Variants in NOTCH2 observed in about 807,000 individuals in gnomAD.
NOTCH2 encodes the protein neurogenic locus notch homolog protein 2.
In NOTCH2, 29 loss-of-function variants were observed where a neutral mutation model predicts 235.8. The ratio of observed to expected loss-of-function variants is 0.12; its 90% CI spans 0.09 to 0.17. NOTCH2 has a LOEUF of 0.17. Ranked by LOEUF, NOTCH2 falls within the 10% of genes least tolerant of loss-of-function variation. The probability of loss-of-function intolerance (pLI) is 1.00; values close to 1 mark genes in which losing one functional copy is unlikely to be tolerated. For missense variants in NOTCH2, 2,285 were observed against 3,150.2 expected (o/e 0.73, Z 6.57); for synonymous variants, 1,086 against 1,141.5 (o/e 0.95, Z 0.98).
intron 6 of NOTCH2, 112 bp downstream of exon 6, chr1:119,969,399 G>C: frequency 1.1e-6 from 1 of 901,168 alleles, no homozygotes. Flanking sequence ...TGAGTGATAT[G>C]TTCCCATAGA....
intron 2 of NOTCH2, among the ~76,000 whole-genome samples, chr1:120,026,487 T>C (rs1553209952): frequency 1.4e-5 from 2 of 145,584 alleles, no homozygotes; most frequent in African/African-American, 5.0e-5. Context: ...TTTGTGAAAA[T>C]AATATTTACT....
In NOTCH2 at chr1:119,940,547, T is replaced by A. The variant is rs1321996520; in HGVS notation, c.3183+8A>T. On this transcript the variant is annotated splice_region_variant and intron_variant, in intron 19 of 33. Coordinates refer to ENST00000256646, the MANE Select transcript of NOTCH2 (RefSeq NM_024408.4). ...GGGAGCTGAGTGAATGGGAAGGAAGTCAATTACCTGACAGTTTTTCCCAGT... is the reference window on the plus strand; with the variant it reads ...GGGAGCTGAGTGAATGGGAAGGAAGACAATTACCTGACAGTTTTTCCCAGT... 1.9e-6 allele frequency: 3 copies of A among 1,612,462 alleles called. No homozygotes were observed. The highest frequency in any genetic ancestry group is 2.5e-6 in the Non-Finnish European group (3 of 1,179,372).
intron 2 of NOTCH2, among the ~76,000 whole-genome samples, chr1:120,010,698 G>C (rs1653155257): frequency 1.3e-5 from 2 of 152,176 alleles, no homozygotes; most frequent in South Asian, 4.1e-4. Flanking sequence ...TTCAACAAAA[G>C]AACAGTCTTC....
chr1:120,011,729 C>T (rs1653198308), intron 2 of NOTCH2, among the ~76,000 whole-genome samples: 2 of 152,048 alleles, frequency 1.3e-5, no homozygotes, highest in Non-Finnish European at 2.9e-5. Flanking sequence ...TAAGATTTTA[C>T]AGCTAGGCCG....
Position 119,916,318 on chromosome 1 carries a change from A to C in NOTCH2, c.6404T>G (p.Leu2135Arg). 6.2e-7 allele frequency: 1 copy of C among 1,614,226 alleles called. No individual in the cohort carries two copies. Among genetic ancestry groups the C allele is most frequent in the Non-Finnish European group, 8.5e-7 (1 of 1,180,028 alleles). ...CTCAGACAGTTGGACCTTCTCACTC[A>C]GAGACTTCTTCCTCCTACTACCCTT... ...DAKGSRRKKS[L>R]SEKVQLSESS... The change falls in exon 34 of 34, where the codon CTG becomes CGG. Residue 2135 changes from leucine to arginine, a missense_variant. Coordinates refer to ENST00000256646, the MANE Select transcript of NOTCH2 (RefSeq NM_024408.4).
At chr1:119,994,524 A>G (rs1553203755) in intron 4 of NOTCH2, 1 of 46,584 alleles carries the variant, frequency 2.1e-5, no homozygotes, top group Non-Finnish European at 4.2e-5. Flanking sequence ...AATGCCATAT[A>G]TATATACACA....
intron 23 of NOTCH2, among the ~76,000 whole-genome samples, chr1:119,927,692 G>A (rs1005726379): frequency 2.6e-5 from 4 of 152,180 alleles, no homozygotes; most frequent in African/African-American, 9.7e-5. Flanking sequence ...AAAGAAACAG[G>A]AGCCAGTTTT....
chr1:119,976,655 C>T (rs960226414), intron 5 of NOTCH2, among the ~76,000 whole-genome samples: 1 of 152,122 alleles, frequency 6.6e-6, no homozygotes, highest in Non-Finnish European at 1.5e-5. Context: ...GCGCCACTCG[C>T]TTGTTCAAAT....
rs782296997 is a variant in NOTCH2 at position 119,997,301 on chromosome 1, C to G, written c.447G>C (p.Leu149=). Residue 149 remains leucine (L), a synonymous_variant, in exon 4 of 34, where the codon CTG becomes CTC. Transcript: ENST00000256646. ...TACTTCCATTTGCACAGGGATGAGA[C>G]AGGCAGGCATCCGTCCATTGGCACT... ...GKECQWTDAC[L]SHPCANGSTC... 7.4e-6 allele frequency: 12 copies of G among 1,614,022 alleles called. No individual in the cohort carries two copies. Among genetic ancestry groups the G allele is most frequent in the Non-Finnish European group, 1.0e-5 (12 of 1,179,876 alleles).
intron 23 of NOTCH2, among the ~76,000 whole-genome samples, chr1:119,928,741 A>T (rs1309416194): frequency 6.6e-6 from 1 of 152,258 alleles, no homozygotes; most frequent in African/African-American, 2.4e-5. Flanking sequence ...CTGCCATAGC[A>T]TGATATAATC....
Position 119,997,132 on chromosome 1 carries a change from G to C in NOTCH2, c.616C>G (p.Gln206Glu). Residue 206 changes from glutamine (Q) to glutamate (E), a missense_variant, in exon 4 of 34, where the codon CAG (glutamine) becomes GAG (glutamate). By Grantham distance (29) the Gln-to-Glu change is conservative. This residue lies in a region of NOTCH2 where 431 missense variants were observed against 757.8 expected (regional missense o/e 0.57). Coordinates refer to ENST00000256646, the MANE Select transcript of NOTCH2 (RefSeq NM_024408.4). The part of the protein sequence containing the change: ...GTCLNLPGSY[Q>E]CQCPQGFTGQ... The stretch of plus-strand genomic sequence containing the variant: ...GTGAAGCCCTGAGGGCACTGGCACT[G>C]GTAGGAACCAGGCAGGTTGAGGCAG... 1 of 1,614,026 alleles carries C rather than the reference G, an allele frequency of 6.2e-7. No homozygotes were observed. The highest frequency in any genetic ancestry group is 8.5e-7 in the Non-Finnish European group (1 of 1,179,874).
At position 119,981,158 on chromosome 1, in the gene NOTCH2, C is replaced by A. The variant is rs587773209; in HGVS notation, c.874+5802G>T. On this transcript the variant is annotated intron_variant, in intron 5 of 33. Transcript: ENST00000256646. ...CATCTCCAACTTACCATCATTTCTA[C>A]CCTATTTCTCCTTCTCTGTCAACAG... Among the ~76,000 whole-genome samples the A allele has an allele frequency of 2.7e-5, 4 of 146,758 alleles. No individual in the cohort carries two copies. The East Asian group carries it at 5.8e-4, about 21-fold the overall frequency.
chr1:119,958,137 C>T (rs587755264), intron 12 of NOTCH2, among the ~76,000 whole-genome samples: 2 of 152,290 alleles, frequency 1.3e-5, no homozygotes, highest in Admixed American at 6.5e-5. Context: ...TACCTATTAT[C>T]CTATCTAGCA....
At chr1:119,941,899 T>C in intron 17 of NOTCH2, 145 bp from the exon 18 acceptor site, 1 of 679,508 alleles carries the variant, frequency 1.5e-6, no homozygotes, top group Non-Finnish European at 2.7e-6. Flanking sequence ...CCCTCATTTA[T>C]GAAAATGAAT....
intron 32 of NOTCH2, among the ~76,000 whole-genome samples, chr1:119,917,997 T>C (rs587727034): frequency 7.2e-5 from 11 of 152,258 alleles, no homozygotes; most frequent in African/African-American, 2.6e-4. Context: ...GTATGAGGCA[T>C]TCATGTCCCC....
chr1:119,916,279 A>G lies in NOTCH2; in HGVS notation c.6443T>C (p.Leu2148Ser). Residue 2148 changes from leucine (L) to serine (S), a missense_variant, in exon 34 of 34, where the codon TTA becomes TCA. Leu to Ser is a moderately radical substitution (Grantham distance 145). Around this residue, in one of 6 missense-constraint regions of NOTCH2, gnomAD observed 504 missense variants for 538.0 expected, o/e 0.94. Transcript: ENST00000256646. ...KVQLSESSVT[L>S]SPVDSLESPH... ...AGATTCTAGGGAATCAACAGGGGAT[A>G]AAGTTACTGAACTCTCAGACAGTTG... 6.2e-7 allele frequency: 1 copy of G among 1,614,208 alleles called. No homozygotes were observed. The highest frequency in any genetic ancestry group is 8.5e-7 in the Non-Finnish European group (1 of 1,180,042).
chr1:119,937,305 A>G lies in NOTCH2; in HGVS notation c.3499T>C (p.Phe1167Leu). The G allele has an allele frequency of 6.2e-7, 1 of 1,613,756 alleles. No homozygotes were observed. The highest frequency in any genetic ancestry group is 8.5e-7 in the Non-Finnish European group (1 of 1,180,022). ...PCQHGATCSD[F>L]IGGYRCECVP... The stretch of plus-strand genomic sequence containing the variant: ...ACCTCGCATCTGTATCCACCAATGA[A>G]GTCACTGCATGTTGCCCCGTGCTGG... Residue 1167 changes from phenylalanine (F) to leucine (L), a missense_variant, in exon 21 of 34, where the codon TTC (phenylalanine) becomes CTC (leucine). Physicochemically the swap from Phe to Leu is conservative, Grantham distance 22. This residue lies in a region of NOTCH2 where 1,173 missense variants were observed against 1,515.3 expected (regional missense o/e 0.77). Transcript: ENST00000256646.
intron 4 of NOTCH2, chr1:119,995,850 T>A (rs1652423404): frequency 6.6e-6 from 1 of 152,226 alleles, no homozygotes; most frequent in South Asian, 2.1e-4. Flanking sequence ...ATGAAATGAA[T>A]AAATTACCAG....
At chr1:119,927,940 C>G (rs1193250569) in intron 23 of NOTCH2, among the ~76,000 whole-genome samples, 1 of 152,118 alleles carries the variant, frequency 6.6e-6, no homozygotes, top group African/African-American at 2.4e-5. Flanking sequence ...TGGAGATGGG[C>G]TCAGGATGTA....
Sources: allele counts gnomAD v4.1 joint callset (sites outside exome capture counted in the v4.1 genomes callset), GRCh38; gene constraint gnomAD v4.1.1; regional missense constraint gnomAD v4.1.1; transcripts MANE v1.5; gene names NCBI Gene and HGNC (gene_info 2026-07-23, HGNC 2026-07-21).